The following RABGAP1L variants were observed in gnomAD, a reference collection of about 807,000 sequenced individuals.
RABGAP1L encodes the protein RAB GTPase activating protein 1 like.
RABGAP1L carries 63 observed loss-of-function variants against 137.7 expected under a neutral mutation model. The ratio of observed to expected loss-of-function variants is 0.46; its 90% CI spans 0.37 to 0.56. The LOEUF (loss-of-function observed/expected upper bound fraction) is 0.56. RABGAP1L is among the 20% of genes least tolerant of loss of function. The pLI is 0.00. For missense variants in RABGAP1L, 1,095 were observed against 1,244.0 expected, an observed-to-expected ratio of 0.88 and a Z score of 1.80; for synonymous variants, 431 against 433.7, an observed-to-expected ratio of 0.99 and a Z score of 0.08.
chr1:174,283,592 T>C (rs1364697027), intron 10 of RABGAP1L, among the ~76,000 whole-genome samples: 1 of 151,292 alleles, frequency 6.6e-6, no homozygotes, highest in African/African-American at 2.4e-5. Context: ...CTGCAACCTC[T>C]GCCTCCCAGG....
At chr1:174,959,896 G>T (rs965723752) in intron 20 of RABGAP1L, among the ~76,000 whole-genome samples, 1 of 152,176 alleles carries the variant, frequency 6.6e-6, no homozygotes, top group Non-Finnish European at 1.5e-5. Context: ...CTTAATTAAA[G>T]TAGCAAAGTT....
At chr1:174,775,859 C>A (rs914807232) in intron 18 of RABGAP1L, among the ~76,000 whole-genome samples, 3 of 152,064 alleles carry the variant, frequency 2.0e-5, no homozygotes, top group African/African-American at 7.2e-5. Flanking sequence ...CATCTCACAT[C>A]CAGTATACAA....
intron 14 of RABGAP1L, among the ~76,000 whole-genome samples, chr1:174,662,121 T>TTTGTGTTTTG: frequency 7.4e-6 from 1 of 135,234 alleles, no homozygotes; most frequent in Middle Eastern, 3.9e-3. Context: ...TTTTTTTTTT[T>TTTGTGTTTTG]GAGTTGGAGT....
intron 19 of RABGAP1L, among the ~76,000 whole-genome samples, chr1:174,943,701 C>T (rs1175390902): frequency 2.0e-5 from 3 of 151,634 alleles, no homozygotes; most frequent in African/African-American, 4.8e-5. Context: ...GATGTGGTGG[C>T]GGGCACCTGT....
chr1:174,236,360 T>A (rs1167996145), intron 4 of RABGAP1L, among the ~76,000 whole-genome samples: 3 of 115,626 alleles, frequency 2.6e-5, no homozygotes, highest in African/African-American at 1.0e-4. Context: ...ATTGTGATGT[T>A]AGGGTGTCAA....
chr1:174,200,696 C>G (rs1314031577), intron 1 of RABGAP1L, among the ~76,000 whole-genome samples: 2 of 152,142 alleles, frequency 1.3e-5, no homozygotes, highest in African/African-American at 4.8e-5. Flanking sequence ...GGATTGAGAT[C>G]ATGTTTGTTT....
chr1:174,982,598 C>A (rs983157845), intron 23 of RABGAP1L, among the ~76,000 whole-genome samples: 3 of 152,156 alleles, frequency 2.0e-5, no homozygotes, highest in African/African-American at 7.2e-5. Context: ...CAGAAAGAAA[C>A]CAAATCTACT....
At chr1:174,385,526 G>T (rs1485509834) in intron 12 of RABGAP1L, among the ~76,000 whole-genome samples, 1 of 152,202 alleles carries the variant, frequency 6.6e-6, no homozygotes, top group African/African-American at 2.4e-5. Context: ...CTGTTAGAAT[G>T]AAATGGGCGA....
chr1:174,261,040 T>TGG (rs1411674067), intron 7 of RABGAP1L, among the ~76,000 whole-genome samples: 5 of 151,992 alleles, frequency 3.3e-5, no homozygotes, highest in African/African-American at 1.2e-4. Context: ...TTTCAGGCCT[T>TGG]GGGGAAGGGT....
chr1:174,634,776 T>G (rs7543559), intron 13 of RABGAP1L, among the ~76,000 whole-genome samples: 6 of 142,104 alleles, frequency 4.2e-5, no homozygotes, highest in Non-Finnish European at 4.5e-5. Flanking sequence ...AGTAAACTAT[T>G]GCAAGAACAA....
chr1:174,701,852 G>C (rs1326887879), intron 16 of RABGAP1L, among the ~76,000 whole-genome samples: 1 of 152,006 alleles, frequency 6.6e-6, no homozygotes, highest in East Asian at 1.9e-4. Flanking sequence ...AATTTTGCAA[G>C]AATCAAGAAC....
intron 11 of RABGAP1L, among the ~76,000 whole-genome samples, chr1:174,324,265 A>G (rs1013380179): frequency 6.6e-6 from 1 of 152,192 alleles, no homozygotes; most frequent in African/African-American, 2.4e-5. Flanking sequence ...GAGATAGATT[A>G]GAGATATTCT....
intron 13 of RABGAP1L, among the ~76,000 whole-genome samples, chr1:174,394,991 C>T (rs1300501852): frequency 6.6e-6 from 1 of 150,510 alleles, no homozygotes; most frequent in Admixed American, 6.6e-5. Context: ...AAATTGATGG[C>T]CTCTGCATTG....
At chr1:174,318,444 C>T (rs1011521019) in intron 11 of RABGAP1L, among the ~76,000 whole-genome samples, 15 of 151,776 alleles carry the variant, frequency 9.9e-5, no homozygotes, top group African/African-American at 1.9e-4. Context: ...ATAATTGGGG[C>T]GTTGTGTTTT....
At chr1:174,320,617 C>G (rs371703618) in intron 11 of RABGAP1L, among the ~76,000 whole-genome samples, 16 of 152,170 alleles carry the variant, frequency 1.1e-4, no homozygotes, top group African/African-American at 3.9e-4. Context: ...CATTAGTTCC[C>G]CAAATTAATA....
chr1:174,649,838 C>G (rs1231570043), intron 14 of RABGAP1L, among the ~76,000 whole-genome samples: 1 of 152,092 alleles, frequency 6.6e-6, no homozygotes. Context: ...CTTCTCCTGC[C>G]TGATTGCCCT....
chr1:174,334,866 A>C (rs1681341381), intron 11 of RABGAP1L, among the ~76,000 whole-genome samples: 1 of 152,252 alleles, frequency 6.6e-6, no homozygotes, highest in Admixed American at 6.5e-5. Context: ...ATAATGAGAA[A>C]GACTAGAAAA....
chr1:174,161,085 G>A (rs1057086400), intron 1 of RABGAP1L, among the ~76,000 whole-genome samples: 9 of 152,108 alleles, frequency 5.9e-5, no homozygotes, highest in African/African-American at 2.2e-4. Context: ...TAGACTTTGA[G>A]TTAGACTGGT....
chr1:174,690,122 T>C (rs981684498), intron 15 of RABGAP1L, among the ~76,000 whole-genome samples: 3 of 151,986 alleles, frequency 2.0e-5, no homozygotes, highest in African/African-American at 7.2e-5. Context: ...TACTATCTTA[T>C]GTCTCTCTGC....
Sources: gnomAD v4.1 joint callset for allele counts (sites outside exome capture counted in the v4.1 genomes callset) on GRCh38, gnomAD v4.1.1 for gene constraint, MANE v1.5 for transcripts, NCBI Gene and HGNC (gene_info 2026-07-23, HGNC 2026-07-21) for gene names.